CAMSAP3: variants seen among roughly 807,000 people sequenced by gnomAD.
CAMSAP3 encodes calmodulin regulated spectrin associated protein family member 3, also known as calmodulin-regulated spectrin-associated protein 3.
In CAMSAP3, 34 loss-of-function variants were observed where a neutral mutation model predicts 112.5. That is an observed-to-expected ratio of 0.30 (90% CI 0.23 to 0.40). The LOEUF (loss-of-function observed/expected upper bound fraction) is 0.40. Among genes scored for constraint, CAMSAP3 ranks in the 10% least tolerant of loss-of-function variants. CAMSAP3 has a pLI of 1.00. For missense variants in CAMSAP3, 1,602 were observed against 1,770.3 expected (o/e 0.90, Z 1.71); for synonymous variants, 868 against 799.8 (o/e 1.09, Z -1.44).
Position 7,615,385 on chromosome 19 carries a change from G to T in CAMSAP3, c.2811-33G>T. On this transcript the variant is annotated intron_variant, in intron 12 of 16. Coordinates refer to ENST00000160298, the MANE Select transcript of CAMSAP3 (RefSeq NM_020902.2). This position sits in a 1 kb window ranked among gnomAD's most constrained non-coding sequence, Gnocchi z 6.5. ...CTGTCTGCCACCGCGGACCCCGTGA[G>T]CGGTTCTGATGCCGATTCCCTGTGA... 6.5e-7 allele frequency: 1 copy of T among 1,537,462 alleles called. No homozygotes were observed. Among genetic ancestry groups the T allele is most frequent in the Non-Finnish European group, 8.8e-7 (1 of 1,141,526 alleles).
At position 7,607,824 on chromosome 19, in the gene CAMSAP3, G is replaced by C; in HGVS notation, c.622-302G>C. The C allele has an allele frequency of 7.6e-7, 1 of 1,320,944 alleles. No homozygotes were observed. 81.8% of individuals were successfully genotyped at this position (1,320,944 alleles called of 1,614,324 possible). A position where few individuals can be genotyped will look rare whatever the true frequency, so the allele number is the denominator to read the frequency against. ...ATGGCTGCTCCTCTCCCCCCAGCAC[G>C]CAATTGCCTTCTGTTTGAAGGAGTC... On this transcript the variant is annotated intron_variant, in intron 4 of 16. Transcript: ENST00000160298. This position sits in a 1 kb window ranked among gnomAD's most constrained non-coding sequence, Gnocchi z 4.9.
chr19:7,599,233 C>CCATT (rs1440560828), intron 1 of CAMSAP3, among the ~76,000 whole-genome samples: 1 of 146,476 alleles, frequency 6.8e-6, no homozygotes, highest in African/African-American at 2.5e-5. Flanking sequence ...ATCCACCCAC[C>CCATT]CATTCATTCA....
chr19:7,616,942 T>TG (rs1026573177), intron 14 of CAMSAP3, among the ~76,000 whole-genome samples: 4 of 125,938 alleles, frequency 3.2e-5, no homozygotes, highest in African/African-American at 1.3e-4. Flanking sequence ...GCCTTTTTTT[T>TG]TTTTTTTTTT....
At position 7,611,990 on chromosome 19, in the gene CAMSAP3, C is replaced by T; in HGVS notation, c.1497C>T (p.Pro499=). ...CCTCCAAGCCATCCCTGGCCTCCCC[C>T]TACCTGCCCGAGGGGACCTCCAAAC... ...EGPSKPSLAS[P]YLPEGTSKPL... Residue 499 remains proline, a synonymous_variant, in exon 11 of 17, where the codon CCC becomes CCT. Transcript: ENST00000160298. The surrounding 1 kb of genome is among the most constrained non-coding windows in gnomAD (Gnocchi z 6.9). 6.2e-7 allele frequency: 1 copy of T among 1,612,578 alleles called. No individual in the cohort carries two copies.
In CAMSAP3 at chr19:7,607,345, GA is replaced by G. The variant is rs2030273783; in HGVS notation, c.621+776del. Among the ~76,000 whole-genome samples the G allele has an allele frequency of 6.6e-6, 1 of 152,218 alleles. No homozygotes were observed. The highest frequency in any genetic ancestry group is 1.5e-5 in the Non-Finnish European group (1 of 68,040). On this transcript the variant is annotated intron_variant, in intron 4 of 16. Coordinates refer to ENST00000160298, the MANE Select transcript of CAMSAP3 (RefSeq NM_020902.2). This position sits in a 1 kb window ranked among gnomAD's most constrained non-coding sequence, Gnocchi z 4.9. ...GAAAAGGAGGAGGAGGCCCATCCCTGAAGCTGGAAGTTGAAATTTCTCTCTT... is the reference window on the plus strand; with the variant it reads ...GAAAAGGAGGAGGAGGCCCATCCCTGAGCTGGAAGTTGAAATTTCTCTCTT...
At position 7,607,849 on chromosome 19, in the gene CAMSAP3, C is replaced by A; in HGVS notation, c.622-277C>A. 3 of 1,384,236 alleles carry A rather than the reference C, an allele frequency of 2.2e-6. No homozygotes were observed. Among genetic ancestry groups the A allele is most frequent in the Non-Finnish European group, 2.9e-6 (3 of 1,021,688 alleles). The allele number at this position is 1,384,236 out of a possible 1,614,324, so 85.7% of individuals were successfully genotyped here. ...GCAATTGCCTTCTGTTTGAAGGAGT[C>A]GGGGAGCAAACCCCCCATGGTAATG... On this transcript the variant is annotated intron_variant, in intron 4 of 16. Coordinates refer to ENST00000160298, the MANE Select transcript of CAMSAP3 (RefSeq NM_020902.2). The surrounding 1 kb of genome is among the most constrained non-coding windows in gnomAD (Gnocchi z 4.9).
Position 7,600,923 on chromosome 19 carries a change from T to TATCC in CAMSAP3, c.149-4288_149-4285dup, listed in dbSNP as rs565478424. Reference sequence around the variant, plus strand: ...CCATCCACCCACCCATTCATCCATTTATCCATCCATCCATCCATTCACCCA... The same window carrying TATCC: ...CCATCCACCCACCCATTCATCCATTTATCCATCCATCCATCCATCCATTCACCCA... On this transcript the variant is annotated intron_variant, in intron 1 of 16. Transcript: ENST00000160298. Among the ~76,000 whole-genome samples the TATCC allele has an allele frequency of 1.5e-4, 19 of 123,274 alleles. No homozygotes were observed. In the South Asian group the frequency reaches 3.8e-3, roughly 25 times the overall value. 80.9% of individuals were successfully genotyped at this position (123,274 alleles called of 152,430 possible). A position where few individuals can be genotyped will look rare whatever the true frequency, so the allele number is the denominator to read the frequency against.
rs1404698677 is a variant in CAMSAP3 at position 7,612,793 on chromosome 19, G to A, written c.2300G>A (p.Arg767Gln). The A allele has an allele frequency of 1.8e-5, 28 of 1,534,828 alleles. No individual in the cohort carries two copies. The highest frequency in any genetic ancestry group is 2.3e-5 in the Non-Finnish European group (26 of 1,146,650). The stretch of plus-strand genomic sequence containing the variant: ...CCCGCCCGGCGAGTCCCGGCCACCC[G>A]GCGCAGCCCTGGGCCCGGGCCCAGC... ...PSPARRVPAT[R>Q]RSPGPGPSQS... is the part of the protein sequence containing the mutation. The change falls in exon 11 of 17, where the codon CGG becomes CAG. Residue 767 changes from arginine (R) to glutamine (Q), a missense_variant. Around this residue, in one of 6 missense-constraint regions of CAMSAP3, gnomAD observed 1,100 missense variants for 1,135.7 expected, o/e 0.97. Coordinates refer to ENST00000160298, the MANE Select transcript of CAMSAP3 (RefSeq NM_020902.2).
rs144360466 is a variant in CAMSAP3 at position 7,610,040 on chromosome 19, C to T, written c.761-436C>T. The stretch of plus-strand genomic sequence containing the variant: ...GGTCTATCATATAATTCACCTCGGC[C>T]GGGTACAGTGGCTCACGCCTGTAAT... On this transcript the variant is annotated intron_variant, in intron 5 of 16. Coordinates refer to ENST00000160298, the MANE Select transcript of CAMSAP3 (RefSeq NM_020902.2). This position sits in a 1 kb window ranked among gnomAD's most constrained non-coding sequence, Gnocchi z 4.9. Among the ~76,000 whole-genome samples the T allele has an allele frequency of 3.3e-5, 5 of 152,176 alleles. No individual in the cohort carries two copies. Among genetic ancestry groups the T allele is most frequent in the East Asian group, 1.9e-4 (1 of 5,156 alleles).
At chr19:7,613,624 T>C (rs1005133056) in intron 11 of CAMSAP3, among the ~76,000 whole-genome samples, 3 of 149,058 alleles carry the variant, frequency 2.0e-5, no homozygotes, top group Non-Finnish European at 1.5e-5. Flanking sequence ...TAGATAGATG[T>C]GGGGAGGGGT....
In CAMSAP3 at chr19:7,612,725, C is replaced by A. The variant is rs368313481; in HGVS notation, c.2232C>A (p.Val744=). Reference sequence around the variant, plus strand: ...CCGCCCCACCACCTGCTGCGTGGGTCATCCCTGGCCCCACGACGGGGCCCA... The same window carrying A: ...CCGCCCCACCACCTGCTGCGTGGGTAATCCCTGGCCCCACGACGGGGCCCA... The part of the protein sequence containing the change: ...PGSAPPPAAW[V]IPGPTTGPKA... The change falls in exon 11 of 17, where the codon GTC becomes GTA. Residue 744 remains valine, a synonymous_variant. Coordinates refer to ENST00000160298, the MANE Select transcript of CAMSAP3 (RefSeq NM_020902.2). 8.6e-5 allele frequency: 131 copies of A among 1,530,302 alleles called. 6 individuals carry two copies. The African/African-American group carries it at 1.2e-3, about 14-fold the overall frequency. 94.8% of individuals were successfully genotyped at this position (1,530,302 alleles called of 1,614,324 possible).
At chr19:7,604,641 T>TC (rs753519397) in intron 1 of CAMSAP3, among the ~76,000 whole-genome samples, 4 of 149,584 alleles carry the variant, frequency 2.7e-5, no homozygotes, top group African/African-American at 7.4e-5. Context: ...CCCCCACTCA[T>TC]CCCCCCCTGC....
In CAMSAP3 at chr19:7,611,282, C is replaced by T. The variant is rs1467035937; in HGVS notation, c.1123+114C>T. On this transcript the variant is annotated intron_variant, in intron 9 of 16. Transcript: ENST00000160298. This position sits in a 1 kb window ranked among gnomAD's most constrained non-coding sequence, Gnocchi z 6.9. ...TTCCAATAGCCTCTCCATCAGATCC[C>T]CCTTGGGCATCCCAAAGTGACCCCC... 3 of 1,102,370 alleles carry T rather than the reference C, an allele frequency of 2.7e-6. No homozygotes were observed. The highest frequency in any genetic ancestry group is 4.0e-6 in the Non-Finnish European group (3 of 747,486). The allele number at this position is 1,102,370 out of a possible 1,614,324, so 68.3% of individuals were successfully genotyped here.
Position 7,615,525 on chromosome 19 carries a change from G to T in CAMSAP3, c.2918G>T (p.Arg973Leu). Residue 973 changes from arginine to leucine, a missense_variant, in exon 13 of 17, where the codon CGG (arginine) becomes CTG (leucine). This residue lies in a region of CAMSAP3 where 1,100 missense variants were observed against 1,135.7 expected (regional missense o/e 0.97). Transcript: ENST00000160298. The surrounding 1 kb of genome is among the most constrained non-coding windows in gnomAD (Gnocchi z 6.5). ...CCAGCCGAGGAGGAGGTGGGCCCCC[G>T]GAAGGGGGACTTCACGCGGCAGGAG... ...RAPAEEEVGP[R>L]KGDFTRQEYE... is the part of the protein sequence containing the mutation. 1 of 1,535,088 alleles carries T rather than the reference G, an allele frequency of 6.5e-7. No homozygotes were observed. The highest frequency in any genetic ancestry group is 1.2e-5 in the South Asian group (1 of 83,232).
rs747060943 is a variant in CAMSAP3, at chr19:7,612,960, C to T, written c.2467C>T (p.Arg823Cys). 6 of 1,605,940 alleles carry T rather than the reference C, an allele frequency of 3.7e-6. No individual in the cohort carries two copies. Among genetic ancestry groups the T allele is most frequent in the Admixed American group, 1.7e-5 (1 of 59,734 alleles). ...FSPSQVPVQT[R>C]SSILLAEETP... ...GCCGAGCCAGGTGCCCGTGCAGACG[C>T]GCTCTTCCATCCTCCTGGCGGAGGA... is the stretch of plus-strand genomic sequence containing the variant. The change falls in exon 11 of 17, where the codon CGC becomes TGC. Residue 823 changes from arginine to cysteine, a missense_variant. Physicochemically the swap from Arg to Cys is radical, Grantham distance 180 (BLOSUM62 -3). This residue lies in a region of CAMSAP3 where 1,100 missense variants were observed against 1,135.7 expected (regional missense o/e 0.97). Transcript: ENST00000160298.
rs1448495553 is a variant in CAMSAP3 at position 7,611,046 on chromosome 19, C to T, written c.1050-49C>T. The T allele has an allele frequency of 3.7e-6, 6 of 1,604,270 alleles. No individual in the cohort carries two copies. Among genetic ancestry groups the T allele is most frequent in the Non-Finnish European group, 5.1e-6 (6 of 1,171,934 alleles). On this transcript the variant is annotated intron_variant, in intron 8 of 16. Transcript: ENST00000160298. This position sits in a 1 kb window ranked among gnomAD's most constrained non-coding sequence, Gnocchi z 6.9. ...GCTGTTGTCTCCCCCCGGGGAGAGGCGGAGGAGGAGGTGGGGGTCCTGAGG... is the reference window on the plus strand; with the variant it reads ...GCTGTTGTCTCCCCCCGGGGAGAGGTGGAGGAGGAGGTGGGGGTCCTGAGG...
intron 1 of CAMSAP3, among the ~76,000 whole-genome samples, chr19:7,601,031 G>A (rs1042344868): frequency 5.9e-5 from 9 of 151,844 alleles, no homozygotes; most frequent in African/African-American, 2.2e-4. Context: ...GTGGCCACCA[G>A]CCAGATGTGG....
rs751082328 is a variant in CAMSAP3, at chr19:7,607,849, C to T, written c.622-277C>T. The T allele has an allele frequency of 7.2e-6, 10 of 1,384,236 alleles. No individual in the cohort carries two copies. Among genetic ancestry groups the T allele is most frequent in the Non-Finnish European group, 8.8e-6 (9 of 1,021,688 alleles). 85.7% of individuals were successfully genotyped at this position (1,384,236 alleles called of 1,614,324 possible). On this transcript the variant is annotated intron_variant, in intron 4 of 16. Coordinates refer to ENST00000160298, the MANE Select transcript of CAMSAP3 (RefSeq NM_020902.2). The surrounding 1 kb of genome is among the most constrained non-coding windows in gnomAD (Gnocchi z 4.9). ...GCAATTGCCTTCTGTTTGAAGGAGT[C>T]GGGGAGCAAACCCCCCATGGTAATG...
chr19:7,608,577 C>T (rs1253352443), intron 5 of CAMSAP3, among the ~76,000 whole-genome samples: 1 of 151,990 alleles, frequency 6.6e-6, no homozygotes, highest in African/African-American at 2.4e-5. Flanking sequence ...GACACACTCC[C>T]CACTTCACAG....
Sources: gnomAD v4.1 joint callset for allele counts (sites outside exome capture counted in the v4.1 genomes callset) on GRCh38, gnomAD v4.1.1 for gene constraint, gnomAD v4.1.1 regional missense constraint, Gnocchi (gnomAD v3.1) non-coding constraint, MANE v1.5 for transcripts, NCBI Gene and HGNC (gene_info 2026-07-23, HGNC 2026-07-21) for gene names.